Variants in NOX5 observed in about 807,000 individuals in gnomAD.
The protein encoded by NOX5 is NADPH oxidase, EF-hand calcium binding domain 5.
NOX5 carries 76 observed loss-of-function variants against 85.7 expected under a neutral mutation model. The observed-to-expected ratio is 0.89, with a 90% CI of 0.74 to 1.07. NOX5 has a LOEUF of 1.07. NOX5 is among the 50% of genes least tolerant of loss of function. The pLI is 0.00. For missense variants in NOX5, 973 were observed against 999.5 expected (o/e 0.97, Z 0.36); for synonymous variants, 405 against 401.4 (o/e 1.01, Z -0.11).
chr15:69,015,109 T>C (rs2140240661), intron 1 of NOX5, among the ~76,000 whole-genome samples: 1 of 152,316 alleles, frequency 6.6e-6, no homozygotes, highest in Non-Finnish European at 1.5e-5. Context: ...GGAGAGATGC[T>C]TGTGGGCTGG....
Position 69,047,912 on chromosome 15 carries a change from G to A in NOX5, c.1899+1G>A, listed in dbSNP as rs759878699. On this transcript the variant is annotated splice_donor_variant, in intron 13 of 15. Transcript: ENST00000388866. LOFTEE classifies it high-confidence loss of function. Reference sequence around the variant, plus strand: ...CCAAGACAACATGAAGCTCCATAAGGTGAGTACCACCTCCTGCAGGCAGGC... The same window carrying A: ...CCAAGACAACATGAAGCTCCATAAGATGAGTACCACCTCCTGCAGGCAGGC... 34 of 1,613,996 alleles carry A rather than the reference G, an allele frequency of 2.1e-5. No individual in the cohort carries two copies. The highest frequency in any genetic ancestry group is 2.8e-5 in the Non-Finnish European group (33 of 1,179,904).
In NOX5 at chr15:69,035,833, G is replaced by T. The variant is rs1219645116; in HGVS notation, c.1085G>T (p.Trp362Leu). Residue 362 changes from tryptophan to leucine, a missense_variant, in exon 7 of 16, where the codon TGG (tryptophan) becomes TTG (leucine). Physicochemically the swap from Trp to Leu is moderately conservative, Grantham distance 61. Transcript: ENST00000388866. ...CTCACCACGAGGCCTGGCATTGGCT[G>T]GGTACACGGTTCGGCCTCCCCGACA... ...LLLTTRPGIGWVHGSASPTGV... is the reference protein window; with the variant it reads ...LLLTTRPGIGLVHGSASPTGV... 6.2e-7 allele frequency: 1 copy of T among 1,614,084 alleles called. No individual in the cohort carries two copies. Among genetic ancestry groups the T allele is most frequent in the Non-Finnish European group, 8.5e-7 (1 of 1,180,048 alleles).
At position 69,061,778 on chromosome 15, in the gene NOX5, A is replaced by ACACAG. The variant is rs780801253; in HGVS notation, c.*5083_*5084insACAGC. The stretch of plus-strand genomic sequence containing the variant: ...CTCAGGGACAAATGGGCCCTCTTAA[A>ACACAG]CTACCCTAGCTGTGTGAGTGTAGCC... On this transcript the variant is annotated 3_prime_UTR_variant, in exon 16 of 16. Transcript: ENST00000388866. 5.3e-5 allele frequency: 8 copies of ACACAG among 152,160 alleles called. No individual in the cohort carries two copies. The highest frequency in any genetic ancestry group is 1.2e-4 in the Non-Finnish European group (8 of 68,042). 9.4% of individuals were successfully genotyped at this position (152,160 alleles called of 1,614,324 possible).
intron 7 of NOX5, among the ~76,000 whole-genome samples, chr15:69,036,251 C>T (rs1175636461): frequency 6.6e-6 from 1 of 152,188 alleles, no homozygotes; most frequent in Non-Finnish European, 1.5e-5. Flanking sequence ...ATCCCCACTC[C>T]ACTGCTTACT....
At chr15:69,038,016 T>C (rs1595780836) in intron 8 of NOX5, 1 of 152,286 alleles carries the variant, frequency 6.6e-6, no homozygotes, top group South Asian at 2.1e-4. Flanking sequence ...TGTGGGGAGG[T>C]TCTTGCAAAT....
At chr15:69,014,913 T>C in intron 1 of NOX5, 128 bp downstream of exon 1, 1 of 719,362 alleles carries the variant, frequency 1.4e-6, no homozygotes, top group South Asian at 1.8e-5. Flanking sequence ...TGAGCTCTAT[T>C]CTTGCCTTGC....
Position 69,031,740 on chromosome 15 carries a change from G to A in NOX5, c.548G>A (p.Gly183Glu). ...LFESADADGN[G>E]AITFEELRDE... ...GAATCGGCCGACGCGGACGGCAACG[G>A]GGCCATCACCTTCGAGGAGCTCCGG... The change falls in exon 4 of 16, where the codon GGG becomes GAG. Residue 183 changes from glycine to glutamate, a missense_variant. By Grantham distance (98) the Gly-to-Glu change is moderately conservative. Coordinates refer to ENST00000388866, the MANE Select transcript of NOX5 (RefSeq NM_024505.4). 2 of 1,612,668 alleles carry A rather than the reference G, an allele frequency of 1.2e-6. No homozygotes were observed. The highest frequency in any genetic ancestry group is 2.2e-5 in the East Asian group (1 of 44,842).
Position 69,056,644 on chromosome 15 carries a change from T to C in NOX5, c.2246T>C (p.Leu749Pro). The C allele has an allele frequency of 1.2e-6, 2 of 1,613,852 alleles. No homozygotes were observed. ...FCGSPALAKV[L>P]KGHCEKFGFR... Reference sequence around the variant, plus strand: ...GGCTCCCCAGCTCTGGCCAAGGTGCTGAAGGGCCATTGTGAGAAGTTCGGC... The same window carrying C: ...GGCTCCCCAGCTCTGGCCAAGGTGCCGAAGGGCCATTGTGAGAAGTTCGGC... Residue 749 changes from leucine (L) to proline (P), a missense_variant, in exon 16 of 16, where the codon CTG (leucine) becomes CCG (proline). Leu to Pro is a moderately conservative substitution (Grantham distance 98). Transcript: ENST00000388866.
At chr15:69,026,725 G>T in intron 2 of NOX5, 74 bp downstream of exon 2, 2 of 1,596,874 alleles carry the variant, frequency 1.3e-6, no homozygotes, top group Non-Finnish European at 1.7e-6. Context: ...AGCCCTTACA[G>T]GGAGGGAAAG....
At chr15:69,031,368 T>A in intron 3 of NOX5, 150 bp from the exon 4 acceptor site, 1 of 833,898 alleles carries the variant, frequency 1.2e-6, no homozygotes, top group Non-Finnish European at 1.8e-6. Flanking sequence ...AGGTGTCCAT[T>A]GCTGTTGAGC....
intron 1 of NOX5, chr15:69,023,492 A>G: frequency 2.7e-6 from 1 of 377,000 alleles, no homozygotes; most frequent in Non-Finnish European, 5.2e-6. Context: ...GAATAGAGCC[A>G]GGGTTGTCTT....
At chr15:69,040,614 A>C (rs2050581182) in intron 9 of NOX5, among the ~76,000 whole-genome samples, 2 of 152,128 alleles carry the variant, frequency 1.3e-5, no homozygotes, top group South Asian at 4.1e-4. Flanking sequence ...GTTATTGACT[A>C]TTATTAATAT....
intron 1 of NOX5, among the ~76,000 whole-genome samples, chr15:69,025,279 G>A (rs775742999): frequency 6.6e-6 from 1 of 151,658 alleles, no homozygotes; most frequent in Non-Finnish European, 1.5e-5. Flanking sequence ...TTCCTAACAC[G>A]TATTTCCTCC....
chr15:69,051,063 C>G (rs910765687), intron 14 of NOX5, among the ~76,000 whole-genome samples: 1 of 152,148 alleles, frequency 6.6e-6, no homozygotes, highest in Admixed American at 6.5e-5. Context: ...CCTGCCTCCC[C>G]TCCTCCCTGC....
At chr15:69,054,684 C>A (rs1251679509) in intron 14 of NOX5, among the ~76,000 whole-genome samples, 1 of 152,238 alleles carries the variant, frequency 6.6e-6, no homozygotes, top group Non-Finnish European at 1.5e-5. Flanking sequence ...AGACCTAACC[C>A]AGTCCCCATC....
At chr15:69,042,875 T>C (rs1016621356) in intron 10 of NOX5, 70 bp downstream of exon 10, 6 of 1,510,564 alleles carry the variant, frequency 4.0e-6, no homozygotes, top group Non-Finnish European at 5.4e-6. Context: ...GCCTCCTTCT[T>C]CTCAGTGAGC....
In NOX5 at chr15:69,047,454, C is replaced by T; in HGVS notation, c.1734C>T (p.Ile578=). ...DGPYGTPTRR[I]FASEHAVLIG... ...CTTATGGGACCCCCACCCGCAGGAT[C>T]TTTGCCTCTGAGCATGCCGTGCTCA... Residue 578 remains isoleucine (I), a synonymous_variant, in exon 12 of 16, where the codon ATC becomes ATT. Transcript: ENST00000388866. 1 of 1,613,996 alleles carries T rather than the reference C, an allele frequency of 6.2e-7. No individual in the cohort carries two copies. Among genetic ancestry groups the T allele is most frequent in the Non-Finnish European group, 8.5e-7 (1 of 1,179,970 alleles).
intron 9 of NOX5, among the ~76,000 whole-genome samples, chr15:69,040,753 C>A (rs1447225511): frequency 6.6e-6 from 1 of 151,880 alleles, no homozygotes; most frequent in Non-Finnish European, 1.5e-5. Flanking sequence ...GTGGTGTGAT[C>A]TTGGCTCACT....
At chr15:69,041,875 T>TG (rs1032246503) in intron 9 of NOX5, among the ~76,000 whole-genome samples, 19 of 152,150 alleles carry the variant, frequency 1.2e-4, no homozygotes, top group African/African-American at 4.3e-4. Context: ...TGTGTGATTT[T>TG]TTTTTTCTTT....
Sources: gnomAD v4.1 joint callset for allele counts (sites outside exome capture counted in the v4.1 genomes callset) on GRCh38, gnomAD v4.1.1 for gene constraint, MANE v1.5 for transcripts, NCBI Gene and HGNC (gene_info 2026-07-23, HGNC 2026-07-21) for gene names.